The following ERLIN1 variants were observed in gnomAD, a reference collection of about 807,000 sequenced individuals.
ERLIN1 encodes the protein ER lipid raft associated 1.
Under a neutral mutation model 46.9 loss-of-function variants are expected in ERLIN1, and 24 were observed. The ratio of observed to expected loss-of-function variants is 0.51; its 90% CI spans 0.37 to 0.72. The LOEUF (loss-of-function observed/expected upper bound fraction) is 0.72, where lower values mean the gene tolerates loss of function less well. Among genes scored for constraint, ERLIN1 ranks in the 30% least tolerant of loss-of-function variants. The pLI is 0.00. For missense variants in ERLIN1, 293 were observed against 417.9 expected, an observed-to-expected ratio of 0.70 and a Z score of 2.61; for synonymous variants, 158 against 143.2, an observed-to-expected ratio of 1.10 and a Z score of -0.74.
intron 6 of ERLIN1, among the ~76,000 whole-genome samples, chr10:100,168,936 G>A (rs548541607): frequency 9.2e-5 from 14 of 152,048 alleles, no homozygotes; most frequent in African/African-American, 2.2e-4. Context: ...CAACCACCTC[G>A]GCCTCCCAAA....
At chr10:100,152,493 T>G in intron 10 of ERLIN1, 141 bp from the exon 11 acceptor site, 1 of 640,756 alleles carries the variant, frequency 1.6e-6, no homozygotes, top group South Asian at 1.8e-5. Flanking sequence ...TCTCTCACTT[T>G]GGAGAGTGGC....
intron 10 of ERLIN1, 104 bp from the exon 11 acceptor site, chr10:100,152,456 T>A (rs1156799616): frequency 1.3e-5 from 10 of 742,352 alleles, no homozygotes; most frequent in Non-Finnish European, 2.2e-5. Context: ...GTATCATGAG[T>A]CAAGTCTGAA....
At chr10:100,171,958 AG>A (rs1220995274) in intron 6 of ERLIN1, among the ~76,000 whole-genome samples, 7 of 152,126 alleles carry the variant, frequency 4.6e-5, no homozygotes, top group Non-Finnish European at 8.8e-5. Context: ...ACTGCTAATG[AG>A]GGGGGGAGCT....
chr10:100,176,135 C>T (rs1844286319), intron 4 of ERLIN1, 65 bp from the exon 5 acceptor site: 17 of 1,473,858 alleles, frequency 1.2e-5, no homozygotes, highest in Non-Finnish European at 1.6e-5. Context: ...TCAAATTCAG[C>T]CAGGGTAAAA....
chr10:100,179,111 C>T (rs1353749662), intron 3 of ERLIN1, 90 bp downstream of exon 3: 4 of 979,100 alleles, frequency 4.1e-6, no homozygotes, highest in Non-Finnish European at 6.3e-6. Context: ...ACTATCATGC[C>T]TATTTGAGAT....
rs201208911 is a variant in ERLIN1 at position 100,183,753 on chromosome 10, C to T, written c.195+3G>A. 7.1e-4 allele frequency: 1,141 copies of T among 1,606,456 alleles called. No homozygotes were observed. The highest frequency in any genetic ancestry group is 9.4e-4 in the Non-Finnish European group (1,098 of 1,173,638). The stretch of plus-strand genomic sequence containing the variant: ...ATGGAGGCTTCCCCTAGGAATCACT[C>T]ACCTGCACAGATCTGAACGTAGTAA... On this transcript the variant is annotated splice_donor_region_variant and intron_variant, in intron 2 of 10. Coordinates refer to ENST00000421367, the MANE Select transcript of ERLIN1 (RefSeq NM_006459.4).
In ERLIN1 at chr10:100,185,691, C is replaced by T; in HGVS notation, c.-65G>A. ...CCCGTGAGTGACAGGTCCACCCCCTCCAGTTTCTACCCTCTCCCTCCGGAA... is the reference window on the plus strand; with the variant it reads ...CCCGTGAGTGACAGGTCCACCCCCTTCAGTTTCTACCCTCTCCCTCCGGAA... On this transcript the variant is annotated 5_prime_UTR_variant, in exon 1 of 11. An upstream open reading frame in the 5' UTR gains an earlier in-frame stop. Coordinates refer to ENST00000421367, the MANE Select transcript of ERLIN1 (RefSeq NM_006459.4). 7.7e-7 allele frequency: 1 copy of T among 1,299,740 alleles called. No homozygotes were observed. Among genetic ancestry groups the T allele is most frequent in the Non-Finnish European group, 1.1e-6 (1 of 897,550 alleles). The allele number at this position is 1,299,740 out of a possible 1,614,324, so 80.5% of individuals were successfully genotyped here.
At chr10:100,168,716 G>C (rs1159045018) in intron 6 of ERLIN1, among the ~76,000 whole-genome samples, 2 of 139,402 alleles carry the variant, frequency 1.4e-5, no homozygotes, top group Non-Finnish European at 3.0e-5. Context: ...TTTTGCTCTT[G>C]TTACCCAGGC....
intron 1 of ERLIN1, among the ~76,000 whole-genome samples, chr10:100,184,874 T>C (rs1844872135): frequency 6.6e-6 from 1 of 152,194 alleles, no homozygotes; most frequent in Non-Finnish European, 1.5e-5. Flanking sequence ...CTCCACAAAC[T>C]GGCCTCTCTT....
In ERLIN1 at chr10:100,152,346, A is replaced by G. The variant is rs375721397; in HGVS notation, c.832T>C (p.Leu278=). The change falls in exon 11 of 11, where the codon TTG becomes CTG. Residue 278 remains leucine, a synonymous_variant. Transcript: ENST00000421367. ...TTGAGCTCCAGATATTCCGGGGTCA[A>G]CTTGTGCTGTGTGGGAGCAAACAAG... ...HKYATSNKHK[L]TPEYLELKKY... The G allele has an allele frequency of 2.5e-6, 4 of 1,606,356 alleles. No homozygotes were observed. In the African/African-American group the frequency reaches 5.3e-5, roughly 21 times the overall value.
chr10:100,154,908 T>C lies in ERLIN1; in HGVS notation c.777A>G (p.Lys259=). The part of the protein sequence containing the change: ...DAAFLAREKA[K]ADAEYYAAHK... ...GTGCAGCATAATATTCAGCATCTGC[T>C]TTCGCTTTCTCTCGGGCCAGGAATG... Residue 259 remains lysine (K), a synonymous_variant, in exon 10 of 11, where the codon AAA becomes AAG. Coordinates refer to ENST00000421367, the MANE Select transcript of ERLIN1 (RefSeq NM_006459.4). The C allele has an allele frequency of 6.2e-7, 1 of 1,614,014 alleles. No homozygotes were observed. The highest frequency in any genetic ancestry group is 8.5e-7 in the Non-Finnish European group (1 of 1,179,870).
chr10:100,162,533 T>C (rs937945592), intron 8 of ERLIN1, among the ~76,000 whole-genome samples: 19 of 152,176 alleles, frequency 1.2e-4, no homozygotes, highest in African/African-American at 4.3e-4. Context: ...TGCTACCCTA[T>C]GACCCATCAA....
chr10:100,168,904 G>C (rs1234564892), intron 6 of ERLIN1, among the ~76,000 whole-genome samples: 1 of 151,880 alleles, frequency 6.6e-6, no homozygotes, highest in Non-Finnish European at 1.5e-5. Context: ...AGCTGGTCTC[G>C]AACTCCTGAA....
At chr10:100,181,004 C>T (rs1310707710) in intron 2 of ERLIN1, among the ~76,000 whole-genome samples, 2 of 152,182 alleles carry the variant, frequency 1.3e-5, no homozygotes, top group East Asian at 3.8e-4. Flanking sequence ...TAGGTTGAGA[C>T]ATTAGAATGA....
intron 8 of ERLIN1, among the ~76,000 whole-genome samples, chr10:100,162,614 G>T (rs1191915952): frequency 6.6e-6 from 1 of 152,084 alleles, no homozygotes; most frequent in African/African-American, 2.4e-5. Context: ...TTACCTTTTT[G>T]TGTGTGTATT....
At position 100,154,538 on chromosome 10, in the gene ERLIN1, T is replaced by C. The variant is rs553811302; in HGVS notation, c.825+322A>G. ...AATACTGCTCTAATCAAGCTAAGTA[T>C]CTACCAAAAAAACTACCTTATTTGG... On this transcript the variant is annotated intron_variant, in intron 10 of 10. Coordinates refer to ENST00000421367, the MANE Select transcript of ERLIN1 (RefSeq NM_006459.4). 6.6e-5 allele frequency among the ~76,000 whole-genome samples: 10 copies of C among 152,248 alleles called. 1 individual carries two copies. Among genetic ancestry groups the C allele is most frequent in the Admixed American group, 2.0e-4 (3 of 15,298 alleles).
chr10:100,167,446 G>A (rs1334250802), intron 6 of ERLIN1, 40 bp from the exon 7 acceptor site: 1 of 1,499,390 alleles, frequency 6.7e-7, no homozygotes, highest in Non-Finnish European at 9.2e-7. Flanking sequence ...ATATTTGAAA[G>A]ATAAATCTTC....
rs1483813975 is a variant in ERLIN1 at position 100,151,825 on chromosome 10, G to C, written c.*306C>G. ...ATCTCAGCTTAGGAAAACACAGCTT[G>C]TTATATATTTAGTGTTTAACATTCC... On this transcript the variant is annotated 3_prime_UTR_variant, in exon 11 of 11. Coordinates refer to ENST00000421367, the MANE Select transcript of ERLIN1 (RefSeq NM_006459.4). 7.4e-6 allele frequency: 3 copies of C among 405,446 alleles called. No homozygotes were observed. The highest frequency in any genetic ancestry group is 1.4e-5 in the Non-Finnish European group (3 of 213,452). The allele number at this position is 405,446 out of a possible 1,614,324, so 25.1% of individuals were successfully genotyped here. A position where few individuals can be genotyped will look rare whatever the true frequency, so the allele number is the denominator to read the frequency against.
intron 2 of ERLIN1, among the ~76,000 whole-genome samples, chr10:100,182,040 T>C (rs1014128769): frequency 2.0e-5 from 3 of 150,286 alleles, no homozygotes; most frequent in African/African-American, 5.0e-5. Flanking sequence ...ATATTTGTTA[T>C]ATATATACAC....
Sources: gnomAD v4.1 joint callset for allele counts (sites outside exome capture counted in the v4.1 genomes callset) on GRCh38, gnomAD v4.1.1 for gene constraint, MANE v1.5 for transcripts, NCBI Gene and HGNC (gene_info 2026-07-23, HGNC 2026-07-21) for gene names.